The following SUN5 variants were observed in gnomAD, a reference collection of about 807,000 sequenced individuals.
The protein encoded by SUN5 is Sad1 and UNC84 domain containing 5, also known as SUN domain-containing protein 5.
Under a neutral mutation model 53.7 loss-of-function variants are expected in SUN5, and 44 were observed. That is an observed-to-expected ratio of 0.82 (90% CI 0.64 to 1.05). The LOEUF (loss-of-function observed/expected upper bound fraction) is 1.05, where lower values mean the gene tolerates loss of function less well. SUN5 is among the 50% of genes least tolerant of loss of function. The pLI is 0.00. For missense variants in SUN5, 433 were observed against 483.8 expected (o/e 0.90, Z 0.98); for synonymous variants, 166 against 179.8 (o/e 0.92, Z 0.62).
chr20:32,985,976 T>A (rs1335898232), intron 10 of SUN5, 73 bp from the exon 11 acceptor site: 4 of 1,517,956 alleles, frequency 2.6e-6, no homozygotes, highest in Non-Finnish European at 3.6e-6. Flanking sequence ...TCCCCTGTAC[T>A]TCCTGGGACC....
intron 3 of SUN5, 50 bp downstream of exon 3, chr20:33,002,537 C>T: frequency 1.9e-6 from 3 of 1,598,524 alleles, no homozygotes; most frequent in South Asian, 2.2e-5. Context: ...GCTGGACCCT[C>T]TCCCCAGACC....
intron 5 of SUN5, 82 bp downstream of exon 5, chr20:32,999,992 A>C: frequency 6.4e-7 from 1 of 1,566,858 alleles, no homozygotes; most frequent in South Asian, 1.2e-5. Flanking sequence ...GTGGCAGTGC[A>C]GTGTCTTGCC....
Position 32,987,657 on chromosome 20 carries a change from T to C in SUN5, c.729+3A>G. 1 of 1,540,454 alleles carries C rather than the reference T, an allele frequency of 6.5e-7. No individual in the cohort carries two copies. The highest frequency in any genetic ancestry group is 1.1e-5 in the South Asian group (1 of 87,430). Reference sequence around the variant, plus strand: ...CTGTCCCATCTCCCGCCATCCCCCCTGCCTCAAGGATCACGTCTGGGGGCT... The same window carrying C: ...CTGTCCCATCTCCCGCCATCCCCCCCGCCTCAAGGATCACGTCTGGGGGCT... On this transcript the variant is annotated splice_donor_region_variant and intron_variant, in intron 10 of 12. Transcript: ENST00000356173.
intron 4 of SUN5, among the ~76,000 whole-genome samples, chr20:33,000,561 G>A (rs1303202804): frequency 6.6e-6 from 1 of 152,236 alleles, no homozygotes; most frequent in African/African-American, 2.4e-5. Flanking sequence ...AGGAAGAACA[G>A]CATGTGCTGG....
chr20:32,989,126 C>T (rs746614855), intron 9 of SUN5, among the ~76,000 whole-genome samples: 20 of 151,706 alleles, frequency 1.3e-4, no homozygotes, highest in Non-Finnish European at 2.4e-4. Context: ...GGGGTTTCAC[C>T]GTGTTAGCCA....
intron 3 of SUN5, 135 bp from the exon 4 acceptor site, chr20:33,001,413 ACAGAAC>A: frequency 4.3e-6 from 4 of 940,248 alleles, no homozygotes; most frequent in African/African-American, 3.3e-5. Flanking sequence ...CGAGCCTGGG[ACAGAAC>A]CAGGCTCTGC....
At position 33,001,562 on chromosome 20, in the gene SUN5, C is replaced by CTTTCTTTCTTTCTTTCTTTCTTTCT. The variant is rs1555876523; in HGVS notation, c.212-285_212-284insAGAAAGAAAGAAAGAAAGAAAGAAA. Among the ~76,000 whole-genome samples the CTTTCTTTCTTTCTTTCTTTCTTTCT allele has an allele frequency of 4.4e-3, 430 of 98,154 alleles. 6 individuals are homozygous for CTTTCTTTCTTTCTTTCTTTCTTTCT. Among genetic ancestry groups the CTTTCTTTCTTTCTTTCTTTCTTTCT allele is most frequent in the African/African-American group, 0.018 (398 of 21,998 alleles). The allele number at this position is 98,154 out of a possible 152,430, so 64.4% of individuals were successfully genotyped here. A position where few individuals can be genotyped will look rare whatever the true frequency, so the allele number is the denominator to read the frequency against. Reference sequence around the variant, plus strand: ...TCTTTCTTTCTTTCTTTCTTTCTTTCTTTTCTTCCTTCCTTCCTTTCTTTC... The same window carrying CTTTCTTTCTTTCTTTCTTTCTTTCT: ...TCTTTCTTTCTTTCTTTCTTTCTTTCTTTCTTTCTTTCTTTCTTTCTTTCTTTTTCTTCCTTCCTTCCTTTCTTTC... On this transcript the variant is annotated intron_variant, in intron 3 of 12. Transcript: ENST00000356173.
chr20:33,002,347 T>C (rs1038004896), intron 3 of SUN5, among the ~76,000 whole-genome samples: 1 of 151,798 alleles, frequency 6.6e-6, no homozygotes, highest in African/African-American at 2.4e-5. Context: ...TAGAGGAGGG[T>C]TGGCAGTTAA....
chr20:33,001,519 C>CTTTCTTTCTTTCTTTTCTTTCTTTCT lies in SUN5; in HGVS notation c.212-242_212-241insAGAAAGAAAGAAAAGAAAGAAAGAAA, dbSNP rs68051515. 9.7e-4 allele frequency among the ~76,000 whole-genome samples: 118 copies of CTTTCTTTCTTTCTTTTCTTTCTTTCT among 121,394 alleles called. 2 individuals carry two copies. Among genetic ancestry groups the CTTTCTTTCTTTCTTTTCTTTCTTTCT allele is most frequent in the Non-Finnish European group, 1.5e-3 (86 of 58,384 alleles). 79.6% of individuals were successfully genotyped at this position (121,394 alleles called of 152,430 possible). ...CAGTTAACAGACATTTTCTTTCTTT[C>CTTTCTTTCTTTCTTTTCTTTCTTTCT]TTCTTTCTTTCTTTCTTTCTTTCTT... On this transcript the variant is annotated intron_variant, in intron 3 of 12. Coordinates refer to ENST00000356173, the MANE Select transcript of SUN5 (RefSeq NM_080675.4).
At chr20:32,999,905 C>T in intron 5 of SUN5, 169 bp downstream of exon 5, 2 of 1,548,450 alleles carry the variant, frequency 1.3e-6, no homozygotes, top group Non-Finnish European at 1.7e-6. Context: ...TTGGCTTCTA[C>T]AATATTTTCA....
chr20:32,983,831 T>A lies in SUN5; in HGVS notation c.1103A>T (p.Glu368Val). 6.3e-7 allele frequency: 1 copy of A among 1,577,704 alleles called. No individual in the cohort carries two copies. Among genetic ancestry groups the A allele is most frequent in the South Asian group, 1.2e-5 (1 of 84,012 alleles). ...AGGGTAGGGGTTCTGGTGAGGCTGC[T>A]CTCTGGGCGGGGCCACAGAGCCATG... The part of the protein sequence containing the change: ...RVHGSVAPPR[E>V]QPHQNPYPKR... Residue 368 changes from glutamate to valine, a missense_variant, in exon 13 of 13, where the codon GAG becomes GTG. Coordinates refer to ENST00000356173, the MANE Select transcript of SUN5 (RefSeq NM_080675.4).
Position 33,004,303 on chromosome 20 carries a change from G to A in SUN5, c.38C>T (p.Ala13Val). ...ATTGTGGGCCACATCTTCGAGTAGG[G>A]CGCCTGGGTCCCCAGGGCTCCTTGA... ...RSSRSPGDPGALLEDVAHNPR... is the reference protein window; with the variant it reads ...RSSRSPGDPGVLLEDVAHNPR... Residue 13 changes from alanine (A) to valine (V), a missense_variant, in exon 1 of 13, where the codon GCC becomes GTC. Physicochemically the swap from Ala to Val is moderately conservative, Grantham distance 64. Transcript: ENST00000356173. 1 of 1,578,658 alleles carries A rather than the reference G, an allele frequency of 6.3e-7. No homozygotes were observed. The highest frequency in any genetic ancestry group is 8.6e-7 in the Non-Finnish European group (1 of 1,161,556).
chr20:32,990,945 C>G (rs139332774), intron 8 of SUN5, among the ~76,000 whole-genome samples: 14 of 152,288 alleles, frequency 9.2e-5, no homozygotes, highest in African/African-American at 3.4e-4. Flanking sequence ...CAGGGTGTTA[C>G]AAGGCAGTGA....
intron 2 of SUN5, 62 bp downstream of exon 2, chr20:33,002,799 C>T: frequency 6.2e-7 from 1 of 1,610,094 alleles, no homozygotes; most frequent in Admixed American, 1.7e-5. Context: ...GCCCGTTTGA[C>T]ATCCCTGAGC....
rs150451376 is a variant in SUN5, at chr20:33,002,067, C to A, written c.211+520G>T. ...GCCTTGTCTGGTTCATCCCAGAATG[C>A]CCACTATGGAGCTAGGCAAAAAGTA... On this transcript the variant is annotated intron_variant, in intron 3 of 12. Transcript: ENST00000356173. 3.5e-4 allele frequency among the ~76,000 whole-genome samples: 53 copies of A among 152,230 alleles called. No individual in the cohort carries two copies. The South Asian group carries it at 9.3e-3, about 27-fold the overall frequency.
rs756459525 is a variant in SUN5, at chr20:32,985,809, G to A, written c.824C>T (p.Thr275Met). ...GATGGTCTTGGGGATGTGCTGCAGC[G>A]TGAGGTTGGACAGGTAAACCTTCTG... ...LAQKVYLSNL[T>M]LQHIPKTISL... Residue 275 changes from threonine to methionine, a missense_variant, in exon 11 of 13, where the codon ACG becomes ATG. Transcript: ENST00000356173. 1.7e-5 allele frequency: 27 copies of A among 1,614,052 alleles called. No homozygotes were observed. The highest frequency in any genetic ancestry group is 1.6e-4 in the Middle Eastern group (1 of 6,084).
At chr20:32,999,752 G>C (rs573395817) in intron 5 of SUN5, 1 of 660,944 alleles carries the variant, frequency 1.5e-6, no homozygotes, top group South Asian at 2.0e-5. Context: ...GTGGAGGGAG[G>C]AGATTCCTTT....
chr20:32,992,095 A>G (rs1176421216), intron 8 of SUN5, among the ~76,000 whole-genome samples: 1 of 152,218 alleles, frequency 6.6e-6, no homozygotes, highest in Non-Finnish European at 1.5e-5. Context: ...GTCTGCAAAA[A>G]GGCACAATGT....
intron 8 of SUN5, among the ~76,000 whole-genome samples, chr20:32,994,118 AT>A (rs1568966628): frequency 2.0e-5 from 3 of 152,334 alleles, no homozygotes; most frequent in South Asian, 2.1e-4. Flanking sequence ...CAGTTGTCAA[AT>A]TTTTGAAGCT....
Sources: allele counts gnomAD v4.1 joint callset (sites outside exome capture counted in the v4.1 genomes callset), GRCh38; gene constraint gnomAD v4.1.1; transcripts MANE v1.5; gene names NCBI Gene and HGNC (gene_info 2026-07-23, HGNC 2026-07-21).